The following HM13 variants were observed in gnomAD, a reference collection of about 807,000 sequenced individuals.
The protein encoded by HM13 is signal peptide peptidase.
A neutral mutation model predicts 50.0 loss-of-function variants in HM13; 18 were observed. That is an observed-to-expected ratio of 0.36 (90% CI 0.25 to 0.53). The LOEUF is 0.53. Among genes scored for constraint, HM13 ranks in the 20% least tolerant of loss-of-function variants. The pLI is 0.90. For synonymous variants in HM13, 197 were observed against 232.6 expected (o/e 0.85, Z 1.39); for missense variants, 393 against 552.4 (o/e 0.71, Z 2.89).
chr20:31,555,498 T>C (rs556169906), intron 8 of HM13, among the ~76,000 whole-genome samples: 1 of 152,166 alleles, frequency 6.6e-6, no homozygotes, highest in South Asian at 2.1e-4. Context: ...TGGCCTCACT[T>C]TGGGGCAGGA....
At chr20:31,526,308 G>A (rs574833942) in intron 1 of HM13, among the ~76,000 whole-genome samples, 27 of 152,030 alleles carry the variant, frequency 1.8e-4, no homozygotes, top group Non-Finnish European at 3.7e-4. Context: ...ATAGGTGCCC[G>A]CCACTGCGCC....
intron 12 of HM13, 189 bp downstream of exon 12, chr20:31,568,413 A>T (rs1985057487): frequency 1.3e-6 from 1 of 772,650 alleles, no homozygotes; most frequent in Non-Finnish European, 2.0e-6. Context: ...GACAACCCCG[A>T]AGCTTCCTGC....
chr20:31,544,401 T>C (rs1983604248), intron 3 of HM13, among the ~76,000 whole-genome samples: 1 of 152,238 alleles, frequency 6.6e-6, no homozygotes, highest in South Asian at 2.1e-4. Flanking sequence ...GTGAATGTGA[T>C]GGTGATCCTG....
At chr20:31,547,459 C>G in intron 4 of HM13, 2 of 590,036 alleles carry the variant, frequency 3.4e-6, no homozygotes, top group South Asian at 4.3e-5. Context: ...CGGAGCCTTG[C>G]CAATTCCGTT....
intron 1 of HM13, among the ~76,000 whole-genome samples, chr20:31,523,042 T>TG (rs1568779700): frequency 8.6e-6 from 1 of 116,422 alleles, no homozygotes. Context: ...GGGGTTTTTT[T>TG]TGGGAGGGGG....
intron 1 of HM13, among the ~76,000 whole-genome samples, chr20:31,519,235 G>A (rs981091808): frequency 6.6e-5 from 10 of 152,176 alleles, no homozygotes; most frequent in Non-Finnish European, 1.0e-4. Context: ...CCGAGTAGCT[G>A]GGATTGCAGG....
chr20:31,546,025 G>A (rs188041639), intron 4 of HM13, among the ~76,000 whole-genome samples: 223 of 147,802 alleles, frequency 1.5e-3, no homozygotes, highest in African/African-American at 5.5e-3. Context: ...ATACAATACT[G>A]AGCATGTGAA....
At chr20:31,536,520 C>G (rs1983115871) in intron 2 of HM13, among the ~76,000 whole-genome samples, 1 of 152,156 alleles carries the variant, frequency 6.6e-6, no homozygotes. Flanking sequence ...CAGAGAAGTC[C>G]TCTCATGCTG....
At chr20:31,567,870 C>T (rs895957185) in intron 11 of HM13, 2 of 554,026 alleles carry the variant, frequency 3.6e-6, no homozygotes, top group African/African-American at 1.9e-5. Flanking sequence ...TTCTTCTGCA[C>T]AGTGGCCTGA....
intron 8 of HM13, among the ~76,000 whole-genome samples, chr20:31,558,469 G>A (rs900718282): frequency 6.6e-6 from 1 of 152,272 alleles, no homozygotes; most frequent in African/African-American, 2.4e-5. Context: ...CCTGCCAGTA[G>A]GCAAGCTGCC....
At chr20:31,554,700 A>G in intron 7 of HM13, 46 bp from the exon 8 acceptor site, 1 of 1,522,722 alleles carries the variant, frequency 6.6e-7, no homozygotes, top group Non-Finnish European at 9.0e-7. Flanking sequence ...AAAAAAATGT[A>G]AACTGGGCTC....
intron 10 of HM13, among the ~76,000 whole-genome samples, chr20:31,562,244 C>G (rs1337965337): frequency 6.6e-6 from 1 of 152,140 alleles, no homozygotes; most frequent in African/African-American, 2.4e-5. Flanking sequence ...CAGAATGAAG[C>G]AACATAGCAC....
At chr20:31,527,433 A>G (rs1450671123) in intron 1 of HM13, 51 bp from the exon 2 acceptor site, 4 of 1,291,518 alleles carry the variant, frequency 3.1e-6, no homozygotes, top group African/African-American at 1.5e-5. Flanking sequence ...GCCTTGCAGG[A>G]ACATATGGGA....
At chr20:31,547,835 TTA>T (rs1983810391) in intron 4 of HM13, 2 of 933,260 alleles carry the variant, frequency 2.1e-6, no homozygotes, top group East Asian at 2.4e-5. Flanking sequence ...GGCGCAAATA[TTA>T]TGTGTCCAGG....
intron 7 of HM13, chr20:31,550,343 GAAATGAGCCA>G: frequency 1.8e-6 from 1 of 549,276 alleles, no homozygotes; most frequent in Non-Finnish European, 3.3e-6. Flanking sequence ...AGCATGGCGT[GAAATGAGCCA>G]AAATGGGAGC....
chr20:31,532,373 C>T (rs1056760050), intron 2 of HM13, among the ~76,000 whole-genome samples: 1 of 152,098 alleles, frequency 6.6e-6, no homozygotes, highest in Admixed American at 6.6e-5. Flanking sequence ...TGCAGTGAGC[C>T]GAGATCGTGC....
intron 12 of HM13, among the ~76,000 whole-genome samples, chr20:31,568,891 GC>G (rs1234343959): frequency 6.6e-6 from 1 of 152,188 alleles, no homozygotes; most frequent in Non-Finnish European, 1.5e-5. Flanking sequence ...TGCCCTTGCT[GC>G]CTCCTGGTAC....
At chr20:31,565,481 C>CA (rs549803053) in intron 10 of HM13, among the ~76,000 whole-genome samples, 2,364 of 89,814 alleles carry the variant, frequency 0.026, 32 homozygotes, top group Middle Eastern at 0.032. Context: ...GACTCTGTCT[C>CA]AAAAAAAAAA....
At chr20:31,558,172 CTTTTTTA>C (rs1984420093) in intron 8 of HM13, among the ~76,000 whole-genome samples, 1 of 152,038 alleles carries the variant, frequency 6.6e-6, no homozygotes, top group Non-Finnish European at 1.5e-5. Context: ...TTTCTTTTTT[CTTTTTTA>C]GCAGAACCAT....
Sources: gnomAD v4.1 joint callset for allele counts (sites outside exome capture counted in the v4.1 genomes callset) on GRCh38, gnomAD v4.1.1 for gene constraint, MANE v1.5 for transcripts, NCBI Gene and HGNC (gene_info 2026-07-23, HGNC 2026-07-21) for gene names.